CSMD1: variants seen among roughly 807,000 people sequenced by gnomAD.
CSMD1 encodes the protein CUB and sushi domain-containing protein 1.
Under a neutral mutation model 417.5 loss-of-function variants are expected in CSMD1, and 213 were observed. That is an observed-to-expected ratio of 0.51 (90% CI 0.46 to 0.57). The LOEUF is 0.57. CSMD1 is among the 20% of genes least tolerant of loss of function. The pLI is 0.00. For missense variants in CSMD1, 6,923 were observed against 4,529.7 expected (o/e 1.53, Z -15.17); for synonymous variants, 2,862 against 1,736.8 (o/e 1.65, Z -16.11).
chr8:3,325,823 CAAACAA>C (rs898067476), intron 23 of CSMD1, among the ~76,000 whole-genome samples: 12 of 151,804 alleles, frequency 7.9e-5, no homozygotes, highest in East Asian at 3.9e-4. Context: ...GGCTCCGTCT[CAAACAA>C]AAACAAAAAC....
At chr8:4,791,111 G>A (rs1205567491) in intron 1 of CSMD1, among the ~76,000 whole-genome samples, 1 of 152,136 alleles carries the variant, frequency 6.6e-6, no homozygotes, top group African/African-American at 2.4e-5. Flanking sequence ...GAGACGGGGA[G>A]AAGAGACGGG....
chr8:3,673,654 G>C (rs1799207045), intron 7 of CSMD1, among the ~76,000 whole-genome samples: 1 of 152,168 alleles, frequency 6.6e-6, no homozygotes, highest in South Asian at 2.1e-4. Flanking sequence ...TATATATAAA[G>C]CATTTACGGT....
intron 5 of CSMD1, among the ~76,000 whole-genome samples, chr8:3,856,055 C>A (rs897925397): frequency 6.6e-6 from 1 of 151,902 alleles, no homozygotes; most frequent in Non-Finnish European, 1.5e-5. Context: ...TCACATCATA[C>A]TGTGGAATGG....
intron 3 of CSMD1, among the ~76,000 whole-genome samples, chr8:4,204,283 T>C (rs930282070): frequency 2.0e-5 from 3 of 151,842 alleles, no homozygotes; most frequent in Non-Finnish European, 2.9e-5. Flanking sequence ...AAAACCTCAA[T>C]TTGGAAGTTT....
At chr8:4,295,272 GATTATATGCACATATAATCTTAAGAT>G (rs1797609545) in intron 3 of CSMD1, among the ~76,000 whole-genome samples, 1 of 92,608 alleles carries the variant, frequency 1.1e-5, no homozygotes, top group African/African-American at 3.3e-5. Flanking sequence ...ATAATCTTAA[GATTATATGCACATATAATCTTAAGAT>G]TATCTATATA....
chr8:3,847,966 T>G (rs533163076), intron 5 of CSMD1, among the ~76,000 whole-genome samples: 46 of 152,298 alleles, frequency 3.0e-4, no homozygotes, highest in Middle Eastern at 6.8e-3. Context: ...GATTTTTATT[T>G]ATTATTTATT....
intron 2 of CSMD1, among the ~76,000 whole-genome samples, chr8:4,547,687 G>A (rs912254645): frequency 4.5e-4 from 69 of 152,120 alleles, no homozygotes; most frequent in African/African-American, 1.5e-3. Flanking sequence ...ATGAGAAATG[G>A]TAAATTAAAA....
chr8:4,218,894 T>C (rs1290932493), intron 3 of CSMD1, among the ~76,000 whole-genome samples: 2 of 152,214 alleles, frequency 1.3e-5, no homozygotes, highest in African/African-American at 4.8e-5. Flanking sequence ...AAATCAAATA[T>C]ATGATCTTTC....
At chr8:4,474,868 T>C (rs1800716225) in intron 2 of CSMD1, among the ~76,000 whole-genome samples, 1 of 152,184 alleles carries the variant, frequency 6.6e-6, no homozygotes, top group Non-Finnish European at 1.5e-5. Context: ...TATGACTTTC[T>C]TAACATTATT....
chr8:4,026,160 T>G (rs769051169), intron 4 of CSMD1, among the ~76,000 whole-genome samples: 27 of 152,200 alleles, frequency 1.8e-4, no homozygotes, highest in Admixed American at 1.1e-3. Context: ...ATGTCACATT[T>G]ACACATTTAC....
intron 2 of CSMD1, among the ~76,000 whole-genome samples, chr8:4,421,909 G>A (rs1797270549): frequency 6.6e-6 from 1 of 152,018 alleles, no homozygotes; most frequent in Non-Finnish European, 1.5e-5. Flanking sequence ...GAAAAAGACT[G>A]ACTAAATAAT....
intron 3 of CSMD1, among the ~76,000 whole-genome samples, chr8:4,114,809 G>C (rs141836756): frequency 2.0e-5 from 3 of 152,278 alleles, no homozygotes; most frequent in Non-Finnish European, 2.9e-5. Context: ...TAGAAATAGC[G>C]AGAGGTAAAA....
chr8:3,243,813 A>C (rs1158909514), intron 26 of CSMD1, among the ~76,000 whole-genome samples: 3 of 151,016 alleles, frequency 2.0e-5, no homozygotes, highest in African/African-American at 7.3e-5. Flanking sequence ...TTATATGATG[A>C]ATATTATATT....
chr8:4,861,087 C>T (rs931909913), intron 1 of CSMD1, among the ~76,000 whole-genome samples: 6 of 152,082 alleles, frequency 3.9e-5, no homozygotes, highest in African/African-American at 1.5e-4. Context: ...AGAATCTTAT[C>T]TTATTTTTAG....
intron 3 of CSMD1, among the ~76,000 whole-genome samples, chr8:4,387,000 G>A (rs1485035700): frequency 3.3e-5 from 5 of 152,106 alleles, no homozygotes; most frequent in African/African-American, 7.2e-5. Flanking sequence ...GACAGTAATC[G>A]GCTTCATTTG....
chr8:4,959,419 G>C (rs140956360), intron 1 of CSMD1, among the ~76,000 whole-genome samples: 56 of 152,360 alleles, frequency 3.7e-4, no homozygotes, highest in East Asian at 2.3e-3. Flanking sequence ...CTGGACACAA[G>C]TGAGGAAAGC....
intron 3 of CSMD1, among the ~76,000 whole-genome samples, chr8:4,161,242 C>G (rs960166977): frequency 6.6e-6 from 1 of 152,160 alleles, no homozygotes; most frequent in East Asian, 1.9e-4. Context: ...GCACTCTTAC[C>G]ATCTGCATTT....
chr8:4,792,785 G>T (rs1372730924), intron 1 of CSMD1, among the ~76,000 whole-genome samples: 1 of 152,048 alleles, frequency 6.6e-6, no homozygotes, highest in Non-Finnish European at 1.5e-5. Context: ...AGTACCATGC[G>T]TTCCAGGCGT....
At chr8:3,337,763 G>C (rs993329557) in intron 23 of CSMD1, among the ~76,000 whole-genome samples, 2 of 152,206 alleles carry the variant, frequency 1.3e-5, no homozygotes, top group Non-Finnish European at 2.9e-5. Flanking sequence ...TGGGTAGAGA[G>C]AAAGTCAGCC....
Sources: allele counts gnomAD v4.1 joint callset (sites outside exome capture counted in the v4.1 genomes callset), GRCh38; gene constraint gnomAD v4.1.1; transcripts MANE v1.5; gene names NCBI Gene and HGNC (gene_info 2026-07-23, HGNC 2026-07-21).